The following EXOC4 variants were observed in gnomAD, a reference collection of about 807,000 sequenced individuals.
EXOC4 encodes the protein exocyst complex component 4.
A neutral mutation model predicts 107.2 loss-of-function variants in EXOC4; 71 were observed. The ratio of observed to expected loss-of-function variants is 0.66; its 90% CI spans 0.55 to 0.81. The LOEUF is 0.81. EXOC4 is among the 30% of genes least tolerant of loss of function. The pLI is 0.00. For missense variants in EXOC4, 1,108 were observed against 1,189.6 expected (o/e 0.93, Z 1.01); for synonymous variants, 456 against 441.2 (o/e 1.03, Z -0.42).
chr7:134,036,218 G>T (rs192610564), intron 17 of EXOC4, among the ~76,000 whole-genome samples: 216 of 152,284 alleles, frequency 1.4e-3, no homozygotes, highest in African/African-American at 4.6e-3. Flanking sequence ...TGACTTTCTA[G>T]TTTCCTTGAT....
intron 17 of EXOC4, among the ~76,000 whole-genome samples, chr7:134,053,169 C>T (rs958920059): frequency 8.6e-5 from 13 of 150,754 alleles, no homozygotes; most frequent in Middle Eastern, 3.4e-3. Context: ...ACCCGGGAGG[C>T]GGAGCTTGCA....
chr7:134,056,746 T>C (rs1478700042), intron 17 of EXOC4, among the ~76,000 whole-genome samples: 2 of 152,152 alleles, frequency 1.3e-5, no homozygotes, highest in African/African-American at 4.8e-5. Context: ...ATGTCAACCA[T>C]AGATATTTAT....
chr7:133,958,561 A>G (rs1167192166), intron 14 of EXOC4, among the ~76,000 whole-genome samples: 1 of 152,198 alleles, frequency 6.6e-6, no homozygotes, highest in Non-Finnish European at 1.5e-5. Flanking sequence ...TTTCTTAAAC[A>G]ATCTTTCCTA....
intron 9 of EXOC4, among the ~76,000 whole-genome samples, chr7:133,511,943 A>G (rs1427342853): frequency 6.6e-6 from 1 of 152,096 alleles, no homozygotes; most frequent in Non-Finnish European, 1.5e-5. Context: ...CCTTCCCACC[A>G]CTTCACGCTT....
chr7:133,840,581 T>C (rs1166057459), intron 11 of EXOC4, among the ~76,000 whole-genome samples: 6 of 152,114 alleles, frequency 3.9e-5, no homozygotes, highest in African/African-American at 7.2e-5. Context: ...CTCAGCTCAC[T>C]GCACGATTCT....
chr7:134,096,506 A>C, the EXOC4 span, among the ~76,000 whole-genome samples: 1 of 152,284 alleles, frequency 6.6e-6, no homozygotes, highest in South Asian at 2.1e-4. Flanking sequence ...TATGATCACA[A>C]GGTGTAAGTC....
At chr7:133,635,843 T>G (rs946920514) in intron 10 of EXOC4, among the ~76,000 whole-genome samples, 2 of 152,194 alleles carry the variant, frequency 1.3e-5, no homozygotes, top group Non-Finnish European at 2.9e-5. Flanking sequence ...CCCTTCCTCT[T>G]ACAAGAATAT....
intron 11 of EXOC4, among the ~76,000 whole-genome samples, chr7:133,888,128 A>G (rs965875788): frequency 6.6e-6 from 1 of 152,194 alleles, no homozygotes; most frequent in African/African-American, 2.4e-5. Flanking sequence ...GAAAGATGAC[A>G]AGAAACTTCT....
intron 7 of EXOC4, among the ~76,000 whole-genome samples, chr7:133,451,769 T>G (rs985691820): frequency 3.3e-5 from 5 of 152,160 alleles, no homozygotes; most frequent in Non-Finnish European, 5.9e-5. Context: ...TTCTGATGTT[T>G]CTTCACTAAG....
intron 10 of EXOC4, among the ~76,000 whole-genome samples, chr7:133,650,733 C>G (rs967832402): frequency 6.6e-5 from 10 of 152,032 alleles, no homozygotes; most frequent in African/African-American, 1.7e-4. Flanking sequence ...GTGGTCTCAT[C>G]ATAAGATGTA....
At chr7:133,428,963 A>G (rs1797790543) in intron 7 of EXOC4, among the ~76,000 whole-genome samples, 1 of 152,150 alleles carries the variant, frequency 6.6e-6, no homozygotes, top group East Asian at 1.9e-4. Context: ...GAAAATTCTT[A>G]TAATGAGTCA....
At chr7:133,882,434 TA>T (rs1259211395) in intron 11 of EXOC4, among the ~76,000 whole-genome samples, 1 of 152,222 alleles carries the variant, frequency 6.6e-6, no homozygotes, top group Non-Finnish European at 1.5e-5. Flanking sequence ...AAGAAATATT[TA>T]TTGAGTACCT....
At chr7:133,686,671 C>G (rs1794305085) in intron 10 of EXOC4, among the ~76,000 whole-genome samples, 1 of 152,036 alleles carries the variant, frequency 6.6e-6, no homozygotes, top group Non-Finnish European at 1.5e-5. Flanking sequence ...AATGCGATAC[C>G]ACCTTACATC....
chr7:133,375,947 T>C (rs1289796759), intron 7 of EXOC4, among the ~76,000 whole-genome samples: 1 of 152,212 alleles, frequency 6.6e-6, no homozygotes, highest in East Asian at 1.9e-4. Flanking sequence ...AGCTTTGACA[T>C]AACTAAATAG....
At chr7:133,257,750 C>T (rs1795051523) in intron 1 of EXOC4, among the ~76,000 whole-genome samples, 1 of 152,198 alleles carries the variant, frequency 6.6e-6, no homozygotes, top group South Asian at 2.1e-4. Context: ...GTGGAAGGCT[C>T]ACATTTTCAT....
At chr7:133,449,721 T>TTATTTGTGTG in intron 7 of EXOC4, among the ~76,000 whole-genome samples, 1 of 148,002 alleles carries the variant, frequency 6.8e-6, no homozygotes, top group African/African-American at 2.5e-5. Flanking sequence ...GAAAATACAT[T>TTATTTGTGTG]TGTGTGTGTG....
At chr7:133,817,018 T>G (rs1053238622) in intron 10 of EXOC4, among the ~76,000 whole-genome samples, 8 of 152,060 alleles carry the variant, frequency 5.3e-5, no homozygotes, top group Admixed American at 2.0e-4. Context: ...ATAATTTGTG[T>G]TTTTTGTTTT....
chr7:133,616,059 G>C (rs1802187132), intron 9 of EXOC4, among the ~76,000 whole-genome samples: 1 of 152,094 alleles, frequency 6.6e-6, no homozygotes, highest in South Asian at 2.1e-4. Context: ...TTGCCAGTCT[G>C]TTTACCTATC....
At chr7:133,459,613 A>G (rs1303400949) in intron 7 of EXOC4, among the ~76,000 whole-genome samples, 3 of 152,194 alleles carry the variant, frequency 2.0e-5, no homozygotes, top group African/African-American at 7.2e-5. Flanking sequence ...GCTGTGATAA[A>G]TGGAAAATGG....
Sources: gnomAD v4.1 joint callset for allele counts (sites outside exome capture counted in the v4.1 genomes callset) on GRCh38, gnomAD v4.1.1 for gene constraint, MANE v1.5 for transcripts, NCBI Gene and HGNC (gene_info 2026-07-23, HGNC 2026-07-21) for gene names.